DCC: variants seen among roughly 807,000 people sequenced by gnomAD.
DCC encodes DCC netrin 1 receptor.
A neutral mutation model predicts 172.5 loss-of-function variants in DCC; 58 were observed. That is an observed-to-expected ratio of 0.34 (90% CI 0.27 to 0.42). DCC has a LOEUF of 0.42. Ranked by LOEUF, DCC falls within the 10% of genes least tolerant of loss-of-function variation. The pLI, the probability that DCC is intolerant of heterozygous loss-of-function variation, is 1.00. For missense variants in DCC, 1,740 were observed against 1,791.0 expected (o/e 0.97, Z 0.51); for synonymous variants, 709 against 644.5 (o/e 1.10, Z -1.52).
chr18:52,916,152 G>T (rs2040036136), intron 3 of DCC, among the ~76,000 whole-genome samples: 1 of 151,370 alleles, frequency 6.6e-6, no homozygotes, highest in Non-Finnish European at 1.5e-5. Flanking sequence ...AAAGTATAAT[G>T]GGTTTTGCAT....
intron 1 of DCC, among the ~76,000 whole-genome samples, chr18:52,517,965 G>A (rs1310670136): frequency 6.6e-6 from 1 of 151,988 alleles, no homozygotes; most frequent in African/African-American, 2.4e-5. Flanking sequence ...ATTGTTGATG[G>A]ACATTTTTTC....
intron 12 of DCC, among the ~76,000 whole-genome samples, chr18:53,260,209 A>C (rs1483406334): frequency 3.3e-5 from 5 of 152,120 alleles, no homozygotes; most frequent in Non-Finnish European, 1.5e-5. Flanking sequence ...AACTTGTCAA[A>C]GTCATTCTCC....
At chr18:53,226,948 A>ATATATATATTTTTTTTTTTTTTT in intron 12 of DCC, among the ~76,000 whole-genome samples, 3 of 52,954 alleles carry the variant, frequency 5.7e-5, no homozygotes, top group East Asian at 2.5e-4. Context: ...ATATATATAT[A>ATATATATATTTTTTTTTTTTTTT]TTTTTTTTTT....
intron 1 of DCC, among the ~76,000 whole-genome samples, chr18:52,645,526 A>G (rs530852121): frequency 6.6e-6 from 1 of 152,346 alleles, no homozygotes; most frequent in South Asian, 2.1e-4. Context: ...GATACAAACA[A>G]AAGAAATAGA....
intron 1 of DCC, among the ~76,000 whole-genome samples, chr18:52,411,440 C>A (rs757724894): frequency 3.3e-5 from 5 of 152,142 alleles, no homozygotes; most frequent in Non-Finnish European, 4.4e-5. Flanking sequence ...TCTGAGGCAA[C>A]CAGTGCTCTC....
chr18:52,952,071 T>G (rs913009735), intron 5 of DCC, among the ~76,000 whole-genome samples: 1 of 152,196 alleles, frequency 6.6e-6, no homozygotes, highest in African/African-American at 2.4e-5. Flanking sequence ...TTGAAAAAGA[T>G]CAATCTATAT....
At chr18:52,690,232 T>C (rs1319034085) in intron 1 of DCC, among the ~76,000 whole-genome samples, 1 of 152,068 alleles carries the variant, frequency 6.6e-6, no homozygotes, top group Non-Finnish European at 1.5e-5. Context: ...AGGCACTGAG[T>C]GCTCAACACT....
intron 14 of DCC, among the ~76,000 whole-genome samples, chr18:53,324,629 C>T (rs1171942601): frequency 6.6e-6 from 1 of 152,052 alleles, no homozygotes; most frequent in Non-Finnish European, 1.5e-5. Context: ...AAATCAAGAA[C>T]AGTCATCCTG....
intron 1 of DCC, among the ~76,000 whole-genome samples, chr18:52,503,457 A>T (rs149942791): frequency 6.8e-4 from 104 of 152,292 alleles, no homozygotes; most frequent in African/African-American, 2.3e-3. Context: ...AATACAATAT[A>T]TTTATACATA....
intron 12 of DCC, among the ~76,000 whole-genome samples, chr18:53,273,324 T>C (rs1359301080): frequency 6.6e-6 from 1 of 152,118 alleles, no homozygotes; most frequent in Non-Finnish European, 1.5e-5. Context: ...GTTCTTGCCA[T>C]TGGTGATTGA....
At chr18:53,385,079 A>G (rs1247861040) in intron 15 of DCC, among the ~76,000 whole-genome samples, 2 of 142,948 alleles carry the variant, frequency 1.4e-5, no homozygotes, top group Non-Finnish European at 3.0e-5. Flanking sequence ...GTTAGCCAGG[A>G]TGCTCAATAC....
chr18:53,215,181 C>T (rs2055827560), intron 11 of DCC, among the ~76,000 whole-genome samples: 1 of 152,086 alleles, frequency 6.6e-6, no homozygotes, highest in Admixed American at 6.6e-5. Flanking sequence ...TGCGCAATAT[C>T]TTAAGCCTTT....
chr18:53,440,948 C>A (rs752151417), intron 22 of DCC, among the ~76,000 whole-genome samples: 1 of 152,198 alleles, frequency 6.6e-6, no homozygotes, highest in Non-Finnish European at 1.5e-5. Context: ...ACCTCACCAG[C>A]ATTAACATGT....
At chr18:52,956,719 C>A (rs1182105193) in intron 5 of DCC, among the ~76,000 whole-genome samples, 3 of 152,090 alleles carry the variant, frequency 2.0e-5, no homozygotes, top group African/African-American at 4.8e-5. Flanking sequence ...TCAGTCATAT[C>A]AATGACCATG....
chr18:53,060,227 T>G (rs2144070078), intron 5 of DCC, among the ~76,000 whole-genome samples: 1 of 152,156 alleles, frequency 6.6e-6, no homozygotes, highest in Admixed American at 6.6e-5. Context: ...AGAGATGGGG[T>G]TTCACTATGT....
chr18:53,176,096 A>G, intron 8 of DCC, among the ~76,000 whole-genome samples: 3 of 141,954 alleles, frequency 2.1e-5, no homozygotes, highest in African/African-American at 7.9e-5. Flanking sequence ...CCTATTTAAT[A>G]AATGGTGCTG....
intron 2 of DCC, among the ~76,000 whole-genome samples, chr18:52,846,461 G>T (rs374803236): frequency 6.6e-6 from 1 of 151,996 alleles, no homozygotes; most frequent in Non-Finnish European, 1.5e-5. Context: ...GATTGCTTGA[G>T]CCAGAAGGCT....
At chr18:53,521,366 G>A (rs2046396896) in intron 27 of DCC, among the ~76,000 whole-genome samples, 1 of 152,078 alleles carries the variant, frequency 6.6e-6, no homozygotes, top group Non-Finnish European at 1.5e-5. Flanking sequence ...ATAGGAGTGT[G>A]GTTGATGCAG....
At chr18:53,379,279 A>G (rs72929440) in intron 15 of DCC, among the ~76,000 whole-genome samples, 19,663 of 152,358 alleles carry the variant, frequency 0.13, 1,353 homozygotes, top group East Asian at 0.21. Context: ...AGGAACATGC[A>G]GAGTGGGCCC....
Sources: gnomAD v4.1 joint callset for allele counts (sites outside exome capture counted in the v4.1 genomes callset) on GRCh38, gnomAD v4.1.1 for gene constraint, MANE v1.5 for transcripts, NCBI Gene and HGNC (gene_info 2026-07-23, HGNC 2026-07-21) for gene names.